FBXW11: variants seen among roughly 807,000 people sequenced by gnomAD.
FBXW11 encodes the protein F-box/WD repeat-containing protein 11.
A neutral mutation model predicts 77.6 loss-of-function variants in FBXW11; 19 were observed. The ratio of observed to expected loss-of-function variants is 0.24; its 90% CI spans 0.17 to 0.36. The LOEUF is 0.36. Among genes scored for constraint, FBXW11 ranks in the 10% least tolerant of loss-of-function variants. FBXW11 has a pLI of 1.00. For missense variants in FBXW11, 334 were observed against 704.2 expected, an observed-to-expected ratio of 0.47 and a Z score of 5.95; for synonymous variants, 235 against 249.4, an observed-to-expected ratio of 0.94 and a Z score of 0.54.
At chr5:171,890,842 AAC>A (rs1282530963) in intron 7 of FBXW11, among the ~76,000 whole-genome samples, 8 of 152,214 alleles carry the variant, frequency 5.3e-5, no homozygotes, top group Non-Finnish European at 1.2e-4. Flanking sequence ...TGATTTTTGT[AAC>A]AGTTATACAT....
At chr5:171,949,719 A>G (rs1763203019) in intron 2 of FBXW11, among the ~76,000 whole-genome samples, 1 of 152,200 alleles carries the variant, frequency 6.6e-6, no homozygotes, top group Non-Finnish European at 1.5e-5. Flanking sequence ...ATGGCCAATG[A>G]ATATTTTTAT....
intron 2 of FBXW11, among the ~76,000 whole-genome samples, chr5:171,925,086 G>A (rs1761819065): frequency 6.6e-6 from 1 of 152,134 alleles, no homozygotes; most frequent in African/African-American, 2.4e-5. Context: ...GCCCAGGGCG[G>A]AGCGCGGCCC....
At chr5:171,901,439 C>T (rs1760108604) in intron 4 of FBXW11, among the ~76,000 whole-genome samples, 2 of 152,140 alleles carry the variant, frequency 1.3e-5, no homozygotes, top group Admixed American at 6.6e-5. Context: ...GCTTTACAAA[C>T]TAAAGTTCCT....
At chr5:171,900,122 G>T (rs777326405) in intron 4 of FBXW11, 22 bp from the exon 5 acceptor site, 6 of 1,574,428 alleles carry the variant, frequency 3.8e-6, no homozygotes, top group Non-Finnish European at 4.3e-6. Flanking sequence ...AAAAGGGAAT[G>T]AAGGAACGGG....
At chr5:171,940,679 G>A (rs1365645358) in intron 2 of FBXW11, among the ~76,000 whole-genome samples, 1 of 152,174 alleles carries the variant, frequency 6.6e-6, no homozygotes, top group African/African-American at 2.4e-5. Context: ...CAAGAGGTCA[G>A]GAGTTCGAGA....
intron 2 of FBXW11, among the ~76,000 whole-genome samples, chr5:171,915,611 T>TTGTGTGTGTGTGTGTGTGTGTG (rs1436748178): frequency 4.3e-5 from 1 of 23,402 alleles, no homozygotes; most frequent in South Asian, 4.7e-3. Flanking sequence ...TGGTCACTCA[T>TTGTGTGTGTGTGTGTGTGTGTG]TCTGTGTGTG....
chr5:171,884,550 T>C (rs1758748671), intron 7 of FBXW11, among the ~76,000 whole-genome samples: 1 of 152,256 alleles, frequency 6.6e-6, no homozygotes. Flanking sequence ...AAGTGAATTT[T>C]AGAATTGTTT....
At chr5:171,899,859 G>C in intron 5 of FBXW11, 55 bp downstream of exon 5, 3 of 1,414,250 alleles carry the variant, frequency 2.1e-6, no homozygotes, top group Non-Finnish European at 2.8e-6. Context: ...GAGTAATCAA[G>C]CTGACTCTAT....
At chr5:171,926,351 T>G (rs934512075) in intron 2 of FBXW11, among the ~76,000 whole-genome samples, 3 of 152,216 alleles carry the variant, frequency 2.0e-5, no homozygotes, top group African/African-American at 4.8e-5. Context: ...TTTTAAGAGA[T>G]AATCCTGGCA....
At chr5:171,917,836 A>AT (rs2113970147) in intron 2 of FBXW11, among the ~76,000 whole-genome samples, 1 of 151,892 alleles carries the variant, frequency 6.6e-6, no homozygotes, top group East Asian at 1.9e-4. Flanking sequence ...TATTTTATAT[A>AT]TATGTCTCTC....
At chr5:171,940,844 A>G (rs1472740383) in intron 2 of FBXW11, among the ~76,000 whole-genome samples, 1 of 150,868 alleles carries the variant, frequency 6.6e-6, no homozygotes, top group Non-Finnish European at 1.5e-5. Context: ...CCGAGATTGC[A>G]CCACTGCACT....
chr5:171,952,447 A>ATAT (rs1200841290), intron 2 of FBXW11, among the ~76,000 whole-genome samples: 2 of 6,948 alleles, frequency 2.9e-4, no homozygotes, highest in African/African-American at 3.4e-4. Context: ...ATATATATAT[A>ATAT]TTTTTTTTTT....
At chr5:171,992,298 T>C (rs1214968566) in intron 1 of FBXW11, among the ~76,000 whole-genome samples, 1 of 149,494 alleles carries the variant, frequency 6.7e-6, no homozygotes, top group African/African-American at 2.5e-5. Flanking sequence ...TGGGTTGGCA[T>C]GTGCCTGTAG....
intron 4 of FBXW11, among the ~76,000 whole-genome samples, chr5:171,909,122 T>C (rs774801623): frequency 2.0e-5 from 3 of 152,010 alleles, no homozygotes; most frequent in Non-Finnish European, 2.9e-5. Context: ...TAAAAAACAA[T>C]ATAGAAACAG....
At chr5:171,908,452 T>A (rs533937096) in intron 4 of FBXW11, among the ~76,000 whole-genome samples, 3 of 152,322 alleles carry the variant, frequency 2.0e-5, no homozygotes, top group African/African-American at 7.2e-5. Flanking sequence ...ATTCTGGGCA[T>A]CTCACCCAAT....
At chr5:171,941,548 A>AT (rs1169464579) in intron 2 of FBXW11, among the ~76,000 whole-genome samples, 1 of 151,448 alleles carries the variant, frequency 6.6e-6, no homozygotes, top group Non-Finnish European at 1.5e-5. Flanking sequence ...TAATTTACCG[A>AT]TTTGATTCTC....
chr5:171,955,599 G>A (rs866486377), intron 2 of FBXW11, among the ~76,000 whole-genome samples: 1 of 152,162 alleles, frequency 6.6e-6, no homozygotes, highest in Admixed American at 6.6e-5. Flanking sequence ...AAGTCTTCCA[G>A]GCTCATTAAT....
intron 1 of FBXW11, among the ~76,000 whole-genome samples, chr5:171,985,496 C>T (rs1765385986): frequency 6.6e-6 from 1 of 152,094 alleles, no homozygotes; most frequent in Non-Finnish European, 1.5e-5. Flanking sequence ...CAGTGGCTCA[C>T]ACCTATAATC....
intron 7 of FBXW11, among the ~76,000 whole-genome samples, chr5:171,879,127 T>C (rs539068271): frequency 1.6e-4 from 24 of 152,360 alleles, no homozygotes; most frequent in Non-Finnish European, 3.4e-4. Flanking sequence ...TTTCACACTC[T>C]GAGTGTTCCT....
Sources: gnomAD v4.1 joint callset for allele counts (sites outside exome capture counted in the v4.1 genomes callset) on GRCh38, gnomAD v4.1.1 for gene constraint, MANE v1.5 for transcripts, NCBI Gene and HGNC (gene_info 2026-07-23, HGNC 2026-07-21) for gene names.